NDUFA12: variants seen among roughly 807,000 people sequenced by gnomAD.
NDUFA12 encodes the protein NADH:ubiquinone oxidoreductase subunit A12, also known as NADH dehydrogenase [ubiquinone] 1 alpha subcomplex subunit 12.
A neutral mutation model predicts 20.3 loss-of-function variants in NDUFA12; 17 were observed. The observed-to-expected ratio is 0.84, with a 90% CI of 0.57 to 1.26. The LOEUF (loss-of-function observed/expected upper bound fraction) is 1.26. NDUFA12 is among the 50% of genes most tolerant of loss of function. NDUFA12 has a pLI of 0.00. For synonymous variants in NDUFA12, 72 were observed against 63.6 expected, an observed-to-expected ratio of 1.13 and a Z score of -0.63; for missense variants, 191 against 183.7, an observed-to-expected ratio of 1.04 and a Z score of -0.23.
chr12:94,978,154 C>G (rs1219085895), intron 3 of NDUFA12, among the ~76,000 whole-genome samples: 1 of 152,196 alleles, frequency 6.6e-6, no homozygotes, highest in Non-Finnish European at 1.5e-5. Flanking sequence ...GGTTTTTACT[C>G]TCACTGTGAT....
chr12:94,983,413 C>A (rs1171710284), intron 3 of NDUFA12, among the ~76,000 whole-genome samples: 1 of 152,148 alleles, frequency 6.6e-6, no homozygotes, highest in South Asian at 2.1e-4. Flanking sequence ...GGAAGCCAGA[C>A]GCCATGTCAA....
chr12:94,998,265 C>A (rs4923662), intron 2 of NDUFA12, among the ~76,000 whole-genome samples: 3 of 151,966 alleles, frequency 2.0e-5, no homozygotes, highest in Non-Finnish European at 4.4e-5. Context: ...AAAAAGCATT[C>A]GATAAAATCC....
intron 1 of NDUFA12, 58 bp from the exon 2 acceptor site, chr12:95,002,879 A>T: frequency 6.8e-7 from 1 of 1,472,298 alleles, no homozygotes. Flanking sequence ...CAAAACATAA[A>T]CGGAAATAAA....
chr12:94,977,833 C>T (rs1014225196), intron 3 of NDUFA12, among the ~76,000 whole-genome samples: 4 of 151,936 alleles, frequency 2.6e-5, no homozygotes, highest in African/African-American at 9.7e-5. Flanking sequence ...AAATGTTAAG[C>T]AGAGGTAGTT....
chr12:95,001,612 A>G (rs979066558), intron 2 of NDUFA12, among the ~76,000 whole-genome samples: 1 of 152,138 alleles, frequency 6.6e-6, no homozygotes, highest in Non-Finnish European at 1.5e-5. Context: ...TGGGTGACAG[A>G]GCGAGACCCT....
intron 3 of NDUFA12, 184 bp from the exon 4 acceptor site, chr12:94,971,804 T>C (rs755875782): frequency 1.7e-5 from 13 of 782,042 alleles, no homozygotes; most frequent in Non-Finnish European, 2.8e-5. Context: ...TCCTCAGGGA[T>C]GGTATAAACA....
intron 3 of NDUFA12, among the ~76,000 whole-genome samples, chr12:94,980,394 G>A (rs1874198416): frequency 6.6e-6 from 1 of 151,424 alleles, no homozygotes; most frequent in Non-Finnish European, 1.5e-5. Context: ...CTTCTCTATC[G>A]CCTCCATGTA....
At chr12:94,978,136 G>A (rs1196890922) in intron 3 of NDUFA12, among the ~76,000 whole-genome samples, 1 of 152,238 alleles carries the variant, frequency 6.6e-6, no homozygotes, top group Non-Finnish European at 1.5e-5. Flanking sequence ...GAGCATGGAA[G>A]GAGTTGGGGT....
intron 3 of NDUFA12, among the ~76,000 whole-genome samples, chr12:94,985,839 C>G (rs1874416593): frequency 6.6e-6 from 1 of 152,002 alleles, no homozygotes; most frequent in Non-Finnish European, 1.5e-5. Context: ...AATCCCAGCA[C>G]TCTGGGAGGC....
At position 94,977,686 on chromosome 12, in the gene NDUFA12, A is replaced by G. The variant is rs150883947; in HGVS notation, c.258-6066T>C. Among the ~76,000 whole-genome samples, 771 of 152,334 alleles carry G rather than the reference A, an allele frequency of 5.1e-3. 8 individuals are homozygous for G. Among genetic ancestry groups the G allele is most frequent in the African/African-American group, 0.017 (718 of 41,576 alleles). ...AAGAAAACTGATTATCATACCCAAAAAATAATGTTTGTTTCAAGTAAAATG... is the reference window on the plus strand; with the variant it reads ...AAGAAAACTGATTATCATACCCAAAGAATAATGTTTGTTTCAAGTAAAATG... On this transcript the variant is annotated intron_variant, in intron 3 of 3. Transcript: ENST00000327772.
chr12:95,002,699 T>C (rs749615480), intron 2 of NDUFA12, 40 bp downstream of exon 2: 5 of 1,441,846 alleles, frequency 3.5e-6, no homozygotes, highest in South Asian at 3.4e-5. Flanking sequence ...CAAATCCCAA[T>C]CCCAATCCAA....
At position 94,971,344 on chromosome 12, in the gene NDUFA12, A is replaced by C. The variant is rs878979587; in HGVS notation, c.*96T>G. 15 of 1,414,944 alleles carry C rather than the reference A, an allele frequency of 1.1e-5. No homozygotes were observed. The South Asian group carries it at 1.8e-4, about 17-fold the overall frequency. 87.6% of individuals were successfully genotyped at this position (1,414,944 alleles called of 1,614,324 possible). Reference sequence around the variant, plus strand: ...CACGAAAGACATTGTTTAGTCACACAATTTTAATTGTGAATTATAGTGAAT... The same window carrying C: ...CACGAAAGACATTGTTTAGTCACACCATTTTAATTGTGAATTATAGTGAAT... On this transcript the variant is annotated 3_prime_UTR_variant, in exon 4 of 4. Coordinates refer to ENST00000327772, the MANE Select transcript of NDUFA12 (RefSeq NM_018838.5).
chr12:94,997,824 C>T (rs2367080), intron 2 of NDUFA12, among the ~76,000 whole-genome samples: 132,360 of 152,152 alleles, frequency 0.87, 57,669 homozygotes, highest in Admixed American at 0.9. Context: ...AAAATAATAA[C>T]AGCAGTCACA....
chr12:94,989,303 C>T (rs1229933412), intron 3 of NDUFA12, among the ~76,000 whole-genome samples: 1 of 152,124 alleles, frequency 6.6e-6, no homozygotes, highest in African/African-American at 2.4e-5. Context: ...TTATTCACTG[C>T]TTTACCCCAG....
chr12:94,983,850 A>G (rs913772196), intron 3 of NDUFA12, among the ~76,000 whole-genome samples: 2 of 151,022 alleles, frequency 1.3e-5, no homozygotes, highest in Non-Finnish European at 2.9e-5. Flanking sequence ...TGCTTTAAAA[A>G]TGTAAATCAG....
rs1592704807 is a variant in NDUFA12 at position 94,994,190 on chromosome 12, T to C, written c.237A>G (p.Gly79=). 9 of 1,614,132 alleles carry C rather than the reference T, an allele frequency of 5.6e-6. No individual in the cohort carries two copies. The East Asian group carries it at 2.0e-4, about 36-fold the overall frequency. ...CTTACCATTCAGGAGGCACCATGCT[T>C]CCATCCACATCCCAGAATGTGTTTT... ...NGKNTFWDVD[G]SMVPPEWHRW... Residue 79 remains glycine, a synonymous_variant, in exon 3 of 4, where the codon GGA becomes GGG. Transcript: ENST00000327772.
chr12:94,998,291 TAAA>T (rs1874905146), intron 2 of NDUFA12, among the ~76,000 whole-genome samples: 1 of 151,916 alleles, frequency 6.6e-6, no homozygotes, highest in Non-Finnish European at 1.5e-5. Flanking sequence ...TCCTGTATGA[TAAA>T]AACCCTCAAC....
At chr12:94,984,714 C>CG (rs1874353639) in intron 3 of NDUFA12, among the ~76,000 whole-genome samples, 1 of 6,852 alleles carries the variant, frequency 1.5e-4, no homozygotes, top group Non-Finnish European at 2.6e-4. Context: ...TGCTAATAGC[C>CG]AAAAAAAAAA....
At chr12:95,003,547 A>G (rs1843706275) in intron 1 of NDUFA12, 48 bp downstream of exon 1, 1 of 1,590,708 alleles carries the variant, frequency 6.3e-7, no homozygotes, top group Non-Finnish European at 8.6e-7. Flanking sequence ...GAAATCAGCC[A>G]GCGAAAGTCC....
Sources: gnomAD v4.1 joint callset for allele counts (sites outside exome capture counted in the v4.1 genomes callset) on GRCh38, gnomAD v4.1.1 for gene constraint, MANE v1.5 for transcripts, NCBI Gene and HGNC (gene_info 2026-07-23, HGNC 2026-07-21) for gene names.